Variants in ANKRD30B observed in about 807,000 individuals in gnomAD.
ANKRD30B encodes ankyrin repeat domain-containing protein 30B.
Under a neutral mutation model 202.2 loss-of-function variants are expected in ANKRD30B, and 144 were observed. The observed-to-expected ratio is 0.71, with a 90% confidence interval of 0.62 to 0.82. ANKRD30B has a LOEUF of 0.82. Among genes scored for constraint, ANKRD30B ranks in the 40% least tolerant of loss-of-function variants. ANKRD30B has a pLI of 0.00. For synonymous variants in ANKRD30B, 508 were observed against 561.3 expected (o/e 0.91, Z 1.34); for missense variants, 1,487 against 1,669.1 (o/e 0.89, Z 1.90).
chr18:14,806,836 A>G (rs1325566163), intron 24 of ANKRD30B, among the ~76,000 whole-genome samples: 1 of 150,140 alleles, frequency 6.7e-6, no homozygotes, highest in Non-Finnish European at 1.5e-5. Flanking sequence ...ATGTACATTT[A>G]TCATATTTTT....
At chr18:14,792,288 C>G (rs1968568351) in intron 16 of ANKRD30B, among the ~76,000 whole-genome samples, 1 of 151,952 alleles carries the variant, frequency 6.6e-6, no homozygotes, top group Non-Finnish European at 1.5e-5. Flanking sequence ...GAAGAAGGGC[C>G]ATTGGGTAGA....
At chr18:14,781,656 C>A (rs1334807237) in intron 11 of ANKRD30B, among the ~76,000 whole-genome samples, 3 of 40,806 alleles carry the variant, frequency 7.4e-5, no homozygotes, top group Non-Finnish European at 1.2e-4. Flanking sequence ...GGAGTCTGTC[C>A]CTTGCAGACC....
intron 16 of ANKRD30B, among the ~76,000 whole-genome samples, chr18:14,794,063 T>C (rs1275386956): frequency 2.6e-5 from 4 of 152,170 alleles, no homozygotes; most frequent in Middle Eastern, 3.2e-3. Flanking sequence ...GTAATTAAAA[T>C]GCAAGGATGC....
intron 32 of ANKRD30B, among the ~76,000 whole-genome samples, chr18:14,826,532 T>G (rs1257846352): frequency 1.1e-4 from 16 of 152,136 alleles, no homozygotes; most frequent in Admixed American, 9.2e-4. Flanking sequence ...GTCTAGGAAA[T>G]TGTCTAGACT....
In ANKRD30B at chr18:14,763,806, C is replaced by A; in HGVS notation, c.941C>A (p.Ser314Tyr). Residue 314 changes from serine (S) to tyrosine (Y), a missense_variant, in exon 7 of 44, where the codon TCT becomes TAT. Transcript: ENST00000690538. The stretch of plus-strand genomic sequence containing the variant: ...GCTGCACGCTTGGTGGAGGGAACGT[C>A]TGCCAAAATTCAATGTCTGGGGAAA... ...DEAARLVEGT[S>Y]AKIQCLGKAT... The A allele has an allele frequency of 6.2e-7, 1 of 1,613,818 alleles. No homozygotes were observed. Among genetic ancestry groups the A allele is most frequent in the Non-Finnish European group, 8.5e-7 (1 of 1,179,906 alleles).
chr18:14,934,950 C>CACA, the ANKRD30B span, among the ~76,000 whole-genome samples: 2 of 136,814 alleles, frequency 1.5e-5, no homozygotes, highest in East Asian at 2.2e-4. Flanking sequence ...ACACACACAC[C>CACA]CCATCGTGTC....
chr18:14,881,493 G>T, the ANKRD30B span, among the ~76,000 whole-genome samples: 2 of 152,072 alleles, frequency 1.3e-5, no homozygotes, highest in African/African-American at 4.8e-5. Context: ...ATAGTATTTT[G>T]TTAGGGATTT....
the ANKRD30B span, among the ~76,000 whole-genome samples, chr18:14,875,998 C>T: frequency 6.6e-6 from 1 of 152,176 alleles, no homozygotes; most frequent in Non-Finnish European, 1.5e-5. Flanking sequence ...GGTGGTCTTG[C>T]CTGAAACTAA....
At chr18:14,850,063 G>A (rs186835707) in intron 40 of ANKRD30B, 151 bp from the exon 41 acceptor site, 22 of 488,268 alleles carry the variant, frequency 4.5e-5, no homozygotes, top group African/African-American at 3.7e-4. Context: ...AGGTTACGGA[G>A]TAATGAATAC....
the ANKRD30B span, among the ~76,000 whole-genome samples, chr18:14,879,150 G>A: frequency 6.6e-6 from 1 of 152,168 alleles, no homozygotes; most frequent in Admixed American, 6.5e-5. Flanking sequence ...GGACAACTCG[G>A]GGCCACATCG....
intron 34 of ANKRD30B, among the ~76,000 whole-genome samples, chr18:14,833,437 AG>A (rs1242895533): frequency 1.3e-5 from 2 of 152,150 alleles, no homozygotes; most frequent in South Asian, 2.1e-4. Context: ...TTTAATAGAG[AG>A]GGGGTTTCAT....
At chr18:14,902,821 T>C in the ANKRD30B span, among the ~76,000 whole-genome samples, 3 of 152,310 alleles carry the variant, frequency 2.0e-5, no homozygotes, top group Middle Eastern at 3.4e-3. Flanking sequence ...TTTTCTCCTA[T>C]GTTTTCTTAA....
At chr18:14,929,046 T>C in the ANKRD30B span, among the ~76,000 whole-genome samples, 3 of 152,228 alleles carry the variant, frequency 2.0e-5, no homozygotes, top group East Asian at 3.9e-4. Context: ...CTGTTGGCTC[T>C]GTGGTTCTCA....
At chr18:14,906,053 TG>T in the ANKRD30B span, among the ~76,000 whole-genome samples, 1 of 152,110 alleles carries the variant, frequency 6.6e-6, no homozygotes, top group Non-Finnish European at 1.5e-5. Flanking sequence ...TTTTTTTTTT[TG>T]GTTTACACCT....
the ANKRD30B span, among the ~76,000 whole-genome samples, chr18:14,935,715 G>T: frequency 6.6e-6 from 1 of 152,334 alleles, no homozygotes; most frequent in East Asian, 1.9e-4. Context: ...ATGCATATGT[G>T]TACCTGCATG....
At chr18:14,818,394 G>A (rs1970227515) in intron 30 of ANKRD30B, among the ~76,000 whole-genome samples, 1 of 151,532 alleles carries the variant, frequency 6.6e-6, no homozygotes, top group South Asian at 2.1e-4. Context: ...AAGTTTTAGG[G>A]TACATGTGCA....
the ANKRD30B span, among the ~76,000 whole-genome samples, chr18:14,898,491 G>A: frequency 5.9e-5 from 9 of 152,194 alleles, no homozygotes; most frequent in South Asian, 6.2e-4. Flanking sequence ...CCTGCTCTGC[G>A]GCCTAGTTCC....
chr18:14,888,418 A>G, the ANKRD30B span, among the ~76,000 whole-genome samples: 1 of 152,066 alleles, frequency 6.6e-6, no homozygotes, highest in African/African-American at 2.4e-5. Flanking sequence ...GGGTAAATTA[A>G]TTTAAAAAAA....
At chr18:14,853,091 G>T (rs926071547) in intron 42 of ANKRD30B, among the ~76,000 whole-genome samples, 1 of 151,804 alleles carries the variant, frequency 6.6e-6, no homozygotes, top group Non-Finnish European at 1.5e-5. Flanking sequence ...TATCAAATTT[G>T]ATTTAATCAC....
Sources: gnomAD v4.1 joint callset for allele counts (sites outside exome capture counted in the v4.1 genomes callset) on GRCh38, gnomAD v4.1.1 for gene constraint, MANE v1.5 for transcripts, NCBI Gene and HGNC (gene_info 2026-07-23, HGNC 2026-07-21) for gene names.